SCNN1B: variants seen among roughly 807,000 people sequenced by gnomAD.
SCNN1B encodes sodium channel epithelial 1 subunit beta.
In SCNN1B, 46 loss-of-function variants were observed where a neutral mutation model predicts 65.3. The observed-to-expected ratio is 0.70, with a 90% CI of 0.56 to 0.90. The LOEUF is 0.90. Ranked by LOEUF, SCNN1B falls within the 40% of genes least tolerant of loss-of-function variation. The probability of loss-of-function intolerance (pLI) is 0.00; values close to 1 mark genes in which losing one functional copy is unlikely to be tolerated. For missense variants in SCNN1B, 751 were observed against 830.5 expected, an observed-to-expected ratio of 0.90 and a Z score of 1.18; for synonymous variants, 349 against 330.6, an observed-to-expected ratio of 1.06 and a Z score of -0.60.
intron 1 of SCNN1B, among the ~76,000 whole-genome samples, chr16:23,334,167 C>T (rs952313281): frequency 4.6e-5 from 7 of 152,186 alleles, no homozygotes. Context: ...TCCCCAGACA[C>T]CACCCAACAC....
chr16:23,368,364 C>T (rs1251587557), intron 5 of SCNN1B, among the ~76,000 whole-genome samples: 1 of 151,990 alleles, frequency 6.6e-6, no homozygotes, highest in African/African-American at 2.4e-5. Context: ...CAAGGTGAAA[C>T]CCCATCTCTT....
intron 1 of SCNN1B, among the ~76,000 whole-genome samples, chr16:23,312,066 G>T (rs1217688731): frequency 6.6e-6 from 1 of 152,124 alleles, no homozygotes. Context: ...CCTAGGAGAA[G>T]GGACCAGGGG....
At chr16:23,296,484 C>T (rs901252307) in intron 2 of SCNN1B, among the ~76,000 whole-genome samples, 3 of 152,168 alleles carry the variant, frequency 2.0e-5, no homozygotes, top group African/African-American at 7.2e-5. Context: ...TTTAGCAAAA[C>T]ATTTCAGAAC....
chr16:23,281,035 T>A (rs1960777012), intron 1 of SCNN1B, among the ~76,000 whole-genome samples: 1 of 152,226 alleles, frequency 6.6e-6, no homozygotes, highest in Non-Finnish European at 1.5e-5. Flanking sequence ...GTGGACTGCT[T>A]AGGCACAAAT....
chr16:23,352,598 T>C (rs1377126314), intron 2 of SCNN1B, among the ~76,000 whole-genome samples: 4 of 152,170 alleles, frequency 2.6e-5, no homozygotes, highest in Non-Finnish European at 5.9e-5. Context: ...CCTTCCGCCA[T>C]GATTGTAAGT....
chr16:23,378,438 C>G (rs1011829685), intron 10 of SCNN1B, among the ~76,000 whole-genome samples: 1 of 152,156 alleles, frequency 6.6e-6, no homozygotes, highest in Admixed American at 6.5e-5. Flanking sequence ...GCAGAGGGAG[C>G]AGGAAGTGTG....
intron 10 of SCNN1B, 135 bp downstream of exon 10, chr16:23,377,521 C>A: frequency 1.3e-6 from 1 of 760,038 alleles, no homozygotes; most frequent in East Asian, 2.7e-5. Flanking sequence ...CTGTTTCCCT[C>A]CTTCCTTCCT....
intron 1 of SCNN1B, among the ~76,000 whole-genome samples, chr16:23,310,671 T>C (rs1961322126): frequency 6.6e-6 from 1 of 152,226 alleles, no homozygotes; most frequent in South Asian, 2.1e-4. Flanking sequence ...AGCGAGACCC[T>C]GTCTCAGGAG....
intron 2 of SCNN1B, among the ~76,000 whole-genome samples, chr16:23,296,229 G>C (rs1049138621): frequency 6.6e-6 from 1 of 152,144 alleles, no homozygotes; most frequent in African/African-American, 2.4e-5. Flanking sequence ...ACTCAGGGAG[G>C]TGGGGGGCGC....
chr16:23,292,196 A>C (rs12922010), intron 2 of SCNN1B, among the ~76,000 whole-genome samples: 16,739 of 133,256 alleles, frequency 0.13, 1,599 homozygotes, highest in African/African-American at 0.27. Flanking sequence ...TTCTTTCTTT[A>C]TTTTTTTTTT....
chr16:23,356,986 T>C lies in SCNN1B; in HGVS notation c.776+1497T>C, dbSNP rs1385943645. Among the ~76,000 whole-genome samples, 14 of 152,210 alleles carry C rather than the reference T, an allele frequency of 9.2e-5. 2 individuals are homozygous for C. The highest frequency in any genetic ancestry group is 9.2e-4 in the Admixed American group (14 of 15,286). On this transcript the variant is annotated intron_variant, in intron 4 of 12. Coordinates refer to ENST00000343070, the MANE Select transcript of SCNN1B (RefSeq NM_000336.3). ...ACTGCTGAGGCCTCAGAGCCCCTTG[T>C]CGGCCTCCTGACCCAGCCTCCAGGT...
chr16:23,373,248 A>G (rs1184593332), intron 7 of SCNN1B, among the ~76,000 whole-genome samples: 1 of 152,012 alleles, frequency 6.6e-6, no homozygotes, highest in Non-Finnish European at 1.5e-5. Flanking sequence ...CCTCCCTAGT[A>G]GCCAGGACCA....
intron 1 of SCNN1B, among the ~76,000 whole-genome samples, chr16:23,318,296 T>G (rs1384912359): frequency 6.6e-6 from 1 of 152,144 alleles, no homozygotes; most frequent in African/African-American, 2.4e-5. Context: ...TTCCATCTCC[T>G]CGTCTAAAAA....
chr16:23,361,912 C>G (rs1457764066), intron 4 of SCNN1B, among the ~76,000 whole-genome samples: 1 of 152,046 alleles, frequency 6.6e-6, no homozygotes, highest in Non-Finnish European at 1.5e-5. Flanking sequence ...TGGGGTCTCC[C>G]TATGTTGCCC....
chr16:23,292,974 G>A (rs1960947193), intron 2 of SCNN1B, among the ~76,000 whole-genome samples: 4 of 151,444 alleles, frequency 2.6e-5, no homozygotes, highest in South Asian at 4.2e-4. Flanking sequence ...CATTAGCGAG[G>A]CATGGTGCTG....
rs988606708 is a variant in SCNN1B, at chr16:23,307,500, A to G, written c.-9+5063A>G. On this transcript the variant is annotated intron_variant, in intron 1 of 12. Coordinates refer to ENST00000343070, the MANE Select transcript of SCNN1B (RefSeq NM_000336.3). ...ATGCCCAGCTAATTTTTGTATTTTT[A>G]GTAAAGATGAGGTTTCACCATGTTG... 5.9e-5 allele frequency among the ~76,000 whole-genome samples: 9 copies of G among 151,922 alleles called. No individual in the cohort carries two copies. The South Asian group carries it at 1.7e-3, about 28-fold the overall frequency.
intron 1 of SCNN1B, among the ~76,000 whole-genome samples, chr16:23,317,326 G>A (rs2141991074): frequency 6.6e-6 from 1 of 152,352 alleles, no homozygotes; most frequent in East Asian, 1.9e-4. Context: ...CAGCAGTTAA[G>A]GGAATCACTC....
intron 4 of SCNN1B, among the ~76,000 whole-genome samples, 185 bp downstream of exon 4, chr16:23,355,674 G>C (rs1962405966): frequency 6.6e-6 from 1 of 152,324 alleles, no homozygotes; most frequent in South Asian, 2.1e-4. Flanking sequence ...CCTGAGGCAG[G>C]GATGTATTGA....
intron 1 of SCNN1B, among the ~76,000 whole-genome samples, chr16:23,325,887 TAATAAATA>T (rs1555485521): frequency 1.0e-3 from 128 of 124,262 alleles, no homozygotes; most frequent in East Asian, 6.4e-3. Context: ...ACCCTGTCTC[TAATAAATA>T]AATAAATAAA....
Sources: gnomAD v4.1 joint callset for allele counts (sites outside exome capture counted in the v4.1 genomes callset) on GRCh38, gnomAD v4.1.1 for gene constraint, MANE v1.5 for transcripts, NCBI Gene and HGNC (gene_info 2026-07-23, HGNC 2026-07-21) for gene names.